The following NKAIN3 variants were observed in gnomAD, a reference collection of about 807,000 sequenced individuals.
The protein encoded by NKAIN3 is sodium/potassium transporting ATPase interacting 3.
In NKAIN3, 25 loss-of-function variants were observed where a neutral mutation model predicts 30.2. The ratio of observed to expected loss-of-function variants is 0.83; its 90% CI spans 0.60 to 1.16. The LOEUF is 1.16. Ranked by LOEUF, NKAIN3 falls within the 50% of genes most tolerant of loss-of-function variation. The pLI is 0.00. For missense variants in NKAIN3, 225 were observed against 254.1 expected (o/e 0.89, Z 0.78); for synonymous variants, 91 against 89.6 (o/e 1.02, Z -0.09).
chr8:62,850,668 A>T (rs1205264426), intron 4 of NKAIN3, among the ~76,000 whole-genome samples: 3 of 148,256 alleles, frequency 2.0e-5, no homozygotes, highest in African/African-American at 7.4e-5. Flanking sequence ...TCAGCTTTCC[A>T]CATATGGCTA....
intron 4 of NKAIN3, among the ~76,000 whole-genome samples, chr8:62,872,013 T>C (rs1820660592): frequency 6.6e-6 from 1 of 152,398 alleles, no homozygotes; most frequent in Middle Eastern, 3.4e-3. Flanking sequence ...GATATTATAC[T>C]GCTATATTTT....
intron 4 of NKAIN3, among the ~76,000 whole-genome samples, chr8:62,748,346 A>G (rs7018010): frequency 0.57 from 84,819 of 149,606 alleles, 25,045 homozygotes; most frequent in Non-Finnish European, 0.67. Flanking sequence ...TCTTTCTGGG[A>G]AAAAAAAAAA....
intron 4 of NKAIN3, among the ~76,000 whole-genome samples, chr8:62,897,916 A>G (rs1172269479): frequency 6.6e-6 from 1 of 152,046 alleles, no homozygotes; most frequent in African/African-American, 2.4e-5. Flanking sequence ...CAGATGCCCA[A>G]CTCTGAACAT....
intron 2 of NKAIN3, among the ~76,000 whole-genome samples, chr8:62,587,678 C>T (rs1181279193): frequency 1.3e-5 from 2 of 151,964 alleles, no homozygotes; most frequent in Non-Finnish European, 2.9e-5. Context: ...TATCCCTCTA[C>T]CTCGGTTTCA....
chr8:62,946,801 AT>A, intron 5 of NKAIN3, among the ~76,000 whole-genome samples: 1 of 152,354 alleles, frequency 6.6e-6, no homozygotes, highest in East Asian at 1.9e-4. Context: ...CTCAGAATAA[AT>A]GTGTTAAGTG....
intron 1 of NKAIN3, among the ~76,000 whole-genome samples, chr8:62,523,099 AT>A (rs1342149840): frequency 6.6e-6 from 1 of 151,892 alleles, no homozygotes; most frequent in East Asian, 1.9e-4. Context: ...CAGGTGTGCC[AT>A]TTTTTCTTTT....
chr8:62,341,629 T>A (rs934642782), intron 1 of NKAIN3, among the ~76,000 whole-genome samples: 2 of 152,134 alleles, frequency 1.3e-5, no homozygotes, highest in Non-Finnish European at 2.9e-5. Flanking sequence ...TCAGAGCTGC[T>A]GCATTTTTTC....
chr8:62,344,191 A>G (rs1815847960), intron 1 of NKAIN3, among the ~76,000 whole-genome samples: 1 of 152,020 alleles, frequency 6.6e-6, no homozygotes, highest in African/African-American at 2.4e-5. Flanking sequence ...ACAAATAAAG[A>G]AATCACTTCT....
At chr8:62,340,247 C>T (rs1433768757) in intron 1 of NKAIN3, among the ~76,000 whole-genome samples, 2 of 151,864 alleles carry the variant, frequency 1.3e-5, no homozygotes, top group African/African-American at 4.8e-5. Context: ...GGAAGGCAGC[C>T]AGGACTATTT....
At chr8:62,398,335 A>G (rs1329343422) in intron 1 of NKAIN3, among the ~76,000 whole-genome samples, 1 of 152,254 alleles carries the variant, frequency 6.6e-6, no homozygotes, top group African/African-American at 2.4e-5. Flanking sequence ...ACCTATAGTT[A>G]GAATGAAGTG....
intron 4 of NKAIN3, among the ~76,000 whole-genome samples, chr8:62,794,154 C>T (rs1817783450): frequency 6.6e-6 from 1 of 152,164 alleles, no homozygotes; most frequent in Non-Finnish European, 1.5e-5. Context: ...CTTCTGTTTG[C>T]CACCATTAGT....
At chr8:62,572,805 C>A (rs1382530017) in intron 1 of NKAIN3, among the ~76,000 whole-genome samples, 2 of 152,148 alleles carry the variant, frequency 1.3e-5, no homozygotes, top group South Asian at 2.1e-4. Flanking sequence ...TCAATCATCT[C>A]CCACTAGGTT....
chr8:62,317,034 G>A (rs965009888), intron 1 of NKAIN3, among the ~76,000 whole-genome samples: 3 of 152,158 alleles, frequency 2.0e-5, no homozygotes, highest in Non-Finnish European at 4.4e-5. Flanking sequence ...CAGTGATGAT[G>A]AGCATTTTTT....
At chr8:62,666,426 C>T (rs1260698326) in intron 3 of NKAIN3, among the ~76,000 whole-genome samples, 2 of 151,956 alleles carry the variant, frequency 1.3e-5, no homozygotes, top group African/African-American at 4.8e-5. Context: ...TATGTTAAGA[C>T]AATCAAAGTC....
chr8:62,798,631 C>G (rs929869395), intron 4 of NKAIN3, among the ~76,000 whole-genome samples: 1 of 151,998 alleles, frequency 6.6e-6, no homozygotes, highest in Non-Finnish European at 1.5e-5. Context: ...CCTAATAGTT[C>G]AAAGATTGGT....
At chr8:62,730,439 C>T (rs1013076317) in intron 3 of NKAIN3, among the ~76,000 whole-genome samples, 1 of 152,124 alleles carries the variant, frequency 6.6e-6, no homozygotes, top group East Asian at 1.9e-4. Context: ...GTGCTCAGCT[C>T]ATTAATTTCA....
chr8:62,284,719 A>G (rs74620722), intron 1 of NKAIN3, among the ~76,000 whole-genome samples: 3,060 of 152,220 alleles, frequency 0.02, 104 homozygotes, highest in African/African-American at 0.069. Flanking sequence ...AGCAGTAACA[A>G]AGCACTCTGG....
At chr8:62,288,150 G>A (rs1238701406) in intron 1 of NKAIN3, among the ~76,000 whole-genome samples, 1 of 151,982 alleles carries the variant, frequency 6.6e-6, no homozygotes, top group Non-Finnish European at 1.5e-5. Flanking sequence ...TCTGCCTTTG[G>A]GTCTATATAC....
chr8:62,959,795 T>C (rs1279057891), intron 6 of NKAIN3, among the ~76,000 whole-genome samples: 4 of 152,142 alleles, frequency 2.6e-5, no homozygotes, highest in Admixed American at 2.0e-4. Context: ...TTACCATCAG[T>C]CCCTGGAAAT....
Sources: gnomAD v4.1 joint callset for allele counts (sites outside exome capture counted in the v4.1 genomes callset) on GRCh38, gnomAD v4.1.1 for gene constraint, MANE v1.5 for transcripts, NCBI Gene and HGNC (gene_info 2026-07-23, HGNC 2026-07-21) for gene names.